ARPP21: variants seen among roughly 807,000 people sequenced by gnomAD.
ARPP21 encodes the protein cAMP regulated phosphoprotein 21.
ARPP21 carries 69 observed loss-of-function variants against 113.2 expected under a neutral mutation model. The ratio of observed to expected loss-of-function variants is 0.61; its 90% confidence interval spans 0.50 to 0.74. The LOEUF is 0.74. ARPP21 is among the 30% of genes least tolerant of loss of function. The pLI is 0.00. For missense variants in ARPP21, 1,070 were observed against 1,037.4 expected (o/e 1.03, Z -0.43); for synonymous variants, 368 against 375.5 (o/e 0.98, Z 0.23).
At chr3:35,790,553 T>A (rs2096727990) in intron 19 of ARPP21, among the ~76,000 whole-genome samples, 1 of 152,206 alleles carries the variant, frequency 6.6e-6, no homozygotes, top group Non-Finnish European at 1.5e-5. Flanking sequence ...TCTCTGCAAA[T>A]GAGAACAGAG....
chr3:35,657,736 T>G (rs1041751363), intron 1 of ARPP21, among the ~76,000 whole-genome samples: 6 of 152,008 alleles, frequency 3.9e-5, no homozygotes, highest in Non-Finnish European at 8.8e-5. Context: ...AAGGCAGCTG[T>G]GGGTTGAGGT....
intron 19 of ARPP21, among the ~76,000 whole-genome samples, chr3:35,782,260 A>AT (rs2096541848): frequency 6.6e-6 from 1 of 152,156 alleles, no homozygotes; most frequent in Non-Finnish European, 1.5e-5. Context: ...CGATCCTGTC[A>AT]ATTAATTTAG....
At chr3:35,690,352 C>A (rs2081892021) in intron 8 of ARPP21, among the ~76,000 whole-genome samples, 1 of 151,414 alleles carries the variant, frequency 6.6e-6, no homozygotes, top group Admixed American at 6.6e-5. Context: ...AAATTCCTGA[C>A]AAAATGGCTA....
chr3:35,766,319 A>G (rs1269265348), intron 19 of ARPP21, among the ~76,000 whole-genome samples: 2 of 152,158 alleles, frequency 1.3e-5, no homozygotes, highest in Non-Finnish European at 2.9e-5. Flanking sequence ...TACTTAAGGT[A>G]ATGTTGAATG....
At chr3:35,758,741 A>G (rs1278556515) in intron 19 of ARPP21, among the ~76,000 whole-genome samples, 1 of 151,784 alleles carries the variant, frequency 6.6e-6, no homozygotes, top group African/African-American at 2.4e-5. Flanking sequence ...CACTTGCTCT[A>G]TTTTTTTCAT....
chr3:35,700,439 G>T (rs2085919481), intron 9 of ARPP21, among the ~76,000 whole-genome samples: 1 of 151,462 alleles, frequency 6.6e-6, no homozygotes, highest in South Asian at 2.1e-4. Context: ...GTGGAGCTTT[G>T]AGTCATTGTA....
intron 9 of ARPP21, among the ~76,000 whole-genome samples, chr3:35,705,760 C>T (rs568922142): frequency 1.3e-5 from 2 of 152,256 alleles, no homozygotes; most frequent in South Asian, 4.1e-4. Flanking sequence ...AAGATATTGA[C>T]ACCATGTTCC....
At chr3:35,728,520 T>A (rs1378510164) in intron 14 of ARPP21, among the ~76,000 whole-genome samples, 1 of 125,794 alleles carries the variant, frequency 7.9e-6, no homozygotes, top group South Asian at 3.3e-4. Context: ...GCCCAGCCCA[T>A]CCTTTTTTTT....
intron 1 of ARPP21, chr3:35,650,389 G>A (rs1701928462): frequency 6.6e-6 from 1 of 152,100 alleles, no homozygotes; most frequent in Non-Finnish European, 1.5e-5. Flanking sequence ...GGATTTTATA[G>A]GCACTTGGAT....
chr3:35,753,481 A>T (rs1411725107), intron 19 of ARPP21, among the ~76,000 whole-genome samples: 1 of 152,012 alleles, frequency 6.6e-6, no homozygotes, highest in Non-Finnish European at 1.5e-5. Context: ...AGTTGTTCGG[A>T]TGGCAGAAAA....
At chr3:35,732,036 G>C (rs1232585796) in intron 15 of ARPP21, among the ~76,000 whole-genome samples, 1 of 152,152 alleles carries the variant, frequency 6.6e-6, no homozygotes, top group Non-Finnish European at 1.5e-5. Flanking sequence ...CATCATTATT[G>C]AAGGAATATC....
intron 1 of ARPP21, among the ~76,000 whole-genome samples, chr3:35,667,910 G>C (rs559127484): frequency 1.6e-5 from 1 of 63,900 alleles, no homozygotes; most frequent in East Asian, 4.6e-4. Context: ...AGAGGAAGAG[G>C]AAGGAGGAGG....
At chr3:35,754,816 T>C (rs114543407) in intron 19 of ARPP21, among the ~76,000 whole-genome samples, 8 of 151,998 alleles carry the variant, frequency 5.3e-5, no homozygotes, top group Admixed American at 3.3e-4. Flanking sequence ...ACATTTGTTA[T>C]GCAGTTAAGA....
chr3:35,717,394 C>T, intron 13 of ARPP21, 37 bp downstream of exon 13: 5 of 1,260,626 alleles, frequency 4.0e-6, no homozygotes, highest in Non-Finnish European at 5.8e-6. Flanking sequence ...GTGTTTTTTT[C>T]AAATTATGTG....
At chr3:35,677,677 C>T (rs1436555028) in intron 1 of ARPP21, among the ~76,000 whole-genome samples, 3 of 151,904 alleles carry the variant, frequency 2.0e-5, no homozygotes, top group Non-Finnish European at 4.4e-5. Flanking sequence ...CTCCTTCCAT[C>T]CTTCAAACTG....
At chr3:35,657,103 G>A (rs1513479) in intron 1 of ARPP21, among the ~76,000 whole-genome samples, 7,756 of 151,868 alleles carry the variant, frequency 0.051, 652 homozygotes, top group African/African-American at 0.18. Context: ...TTCTCATTCG[G>A]TATTTTTCTT....
intron 9 of ARPP21, among the ~76,000 whole-genome samples, chr3:35,691,485 T>G (rs1221433466): frequency 2.0e-5 from 3 of 151,592 alleles, no homozygotes; most frequent in African/African-American, 7.3e-5. Context: ...AAAACCCAAT[T>G]CTACTTACTA....
chr3:35,757,583 GT>G (rs2095618718), intron 19 of ARPP21, among the ~76,000 whole-genome samples: 2 of 152,054 alleles, frequency 1.3e-5, no homozygotes, highest in South Asian at 4.1e-4. Flanking sequence ...CCAAGTGGTG[GT>G]TTTTGTTATG....
Position 35,737,319 on chromosome 3 carries a change from T to A in ARPP21, c.1601T>A (p.Val534Asp), listed in dbSNP as rs2094417998. The change falls in exon 16 of 21, where the codon GTC (valine) becomes GAC (aspartate). Residue 534 changes from valine to aspartate, a missense_variant. Coordinates refer to ENST00000684406, the MANE Select transcript of ARPP21 (RefSeq NM_001385562.1). ...QQPSPQPQQQ[V>D]QPPQPQMAGP... is the part of the protein sequence containing the mutation. ...CCCTCCCCGCAGCCCCAACAGCAGG[T>A]CCAGCCACCGCAGCCACAGATGGCA... 1 of 1,612,124 alleles carries A rather than the reference T, an allele frequency of 6.2e-7. No homozygotes were observed. Among genetic ancestry groups the A allele is most frequent in the East Asian group, 2.2e-5 (1 of 44,826 alleles).
Sources: allele counts gnomAD v4.1 joint callset (sites outside exome capture counted in the v4.1 genomes callset), GRCh38; gene constraint gnomAD v4.1.1; transcripts MANE v1.5; gene names NCBI Gene and HGNC (gene_info 2026-07-23, HGNC 2026-07-21).